Variants in TTLL11 observed in about 807,000 individuals in gnomAD.
The protein encoded by TTLL11 is tubulin polyglutamylase TTLL11.
A neutral mutation model predicts 51.7 loss-of-function variants in TTLL11; 42 were observed. That is an observed-to-expected ratio of 0.81 (90% CI 0.64 to 1.05). The LOEUF (loss-of-function observed/expected upper bound fraction) is 1.05, where lower values mean the gene tolerates loss of function less well. TTLL11 is among the 50% of genes least tolerant of loss of function. The pLI is 0.00. For missense variants in TTLL11, 799 were observed against 940.4 expected, an observed-to-expected ratio of 0.85 and a Z score of 1.97; for synonymous variants, 381 against 383.5, an observed-to-expected ratio of 0.99 and a Z score of 0.08.
intron 6 of TTLL11, among the ~76,000 whole-genome samples, chr9:121,871,207 A>G (rs1225110103): frequency 6.6e-6 from 1 of 152,058 alleles, no homozygotes; most frequent in Admixed American, 6.5e-5. Context: ...AGAAACAATT[A>G]TATTTCTGGC....
At chr9:121,940,482 C>T (rs1409148404) in intron 6 of TTLL11, among the ~76,000 whole-genome samples, 1 of 152,090 alleles carries the variant, frequency 6.6e-6, no homozygotes, top group Non-Finnish European at 1.5e-5. Flanking sequence ...GAACTATAGG[C>T]ACACGCTACC....
At chr9:122,024,803 G>T (rs560057152) in intron 3 of TTLL11, among the ~76,000 whole-genome samples, 2 of 152,020 alleles carry the variant, frequency 1.3e-5, no homozygotes, top group Non-Finnish European at 2.9e-5. Context: ...ACCTAAATTC[G>T]AAAGCTAAAA....
intron 6 of TTLL11, among the ~76,000 whole-genome samples, chr9:121,899,431 T>G (rs562718067): frequency 7.0e-6 from 1 of 142,840 alleles, no homozygotes; most frequent in Non-Finnish European, 1.5e-5. Flanking sequence ...AGAGACAGAG[T>G]CTCAGTCTTT....
chr9:122,012,533 T>C (rs907589447), intron 3 of TTLL11, among the ~76,000 whole-genome samples: 1 of 152,156 alleles, frequency 6.6e-6, no homozygotes, highest in African/African-American at 2.4e-5. Context: ...GTAGCAAGAT[T>C]GTAATACTTG....
intron 6 of TTLL11, among the ~76,000 whole-genome samples, chr9:121,922,347 GTCA>G (rs1373597729): frequency 1.3e-5 from 2 of 152,154 alleles, no homozygotes; most frequent in Non-Finnish European, 2.9e-5. Context: ...CTGGTGCCAA[GTCA>G]TCACCTCAGG....
In TTLL11 at chr9:121,989,854, G is replaced by A. The variant is rs1843061368; in HGVS notation, c.694-84C>T. ...CAGAGCAAGGCCTTAGCAAATGTGT[G>A]GTGAATGAGTGACAAGATGATCCCT... On this transcript the variant is annotated intron_variant, in intron 3 of 8. Coordinates refer to ENST00000321582, the MANE Select transcript of TTLL11 (RefSeq NM_001139442.2). This position sits in a 1 kb window ranked among gnomAD's most constrained non-coding sequence, Gnocchi z 4.2. 6.6e-7 allele frequency: 1 copy of A among 1,513,180 alleles called. No individual in the cohort carries two copies. The highest frequency in any genetic ancestry group is 1.3e-5 in the South Asian group (1 of 74,816). The allele number at this position is 1,513,180 out of a possible 1,614,324, so 93.7% of individuals were successfully genotyped here.
At chr9:121,908,123 C>T (rs1840004042) in intron 6 of TTLL11, among the ~76,000 whole-genome samples, 1 of 152,096 alleles carries the variant, frequency 6.6e-6, no homozygotes, top group Non-Finnish European at 1.5e-5. Flanking sequence ...ATGTGGAATG[C>T]ATAAGAAAAA....
chr9:122,059,194 T>C (rs959667375), intron 1 of TTLL11, among the ~76,000 whole-genome samples: 11 of 152,194 alleles, frequency 7.2e-5, no homozygotes, highest in African/African-American at 2.4e-4. Context: ...GAGATTCTAG[T>C]CCTAATTAAT....
At position 121,822,994 on chromosome 9, in the gene TTLL11, G is replaced by A. The variant is rs745837264; in HGVS notation, c.1841-115C>T. On this transcript the variant is annotated intron_variant, in intron 8 of 8. Transcript: ENST00000321582. This position sits in a 1 kb window ranked among gnomAD's most constrained non-coding sequence, Gnocchi z 5.8. ...AGAGCTAGCCCCGCTCCCCACCACC[G>A]TCTCCATTCCAGAAACTCCTAACAG... 12 of 1,223,900 alleles carry A rather than the reference G, an allele frequency of 9.8e-6. No homozygotes were observed. The highest frequency in any genetic ancestry group is 2.6e-5 in the East Asian group (1 of 38,084). The allele number at this position is 1,223,900 out of a possible 1,614,324, so 75.8% of individuals were successfully genotyped here. A position where few individuals can be genotyped will look rare whatever the true frequency, so the allele number is the denominator to read the frequency against.
chr9:122,036,157 G>A (rs1000855260), intron 2 of TTLL11, among the ~76,000 whole-genome samples: 1 of 151,962 alleles, frequency 6.6e-6, no homozygotes, highest in Non-Finnish European at 1.5e-5. Context: ...AAAGCCCCTA[G>A]GCTGTATTTT....
At chr9:121,850,357 G>C (rs770346773) in intron 8 of TTLL11, among the ~76,000 whole-genome samples, 2 of 151,866 alleles carry the variant, frequency 1.3e-5, no homozygotes, top group African/African-American at 4.8e-5. Context: ...GATGGCCCAC[G>C]AACAAGAGAT....
intron 1 of TTLL11, among the ~76,000 whole-genome samples, chr9:122,042,956 T>G (rs762690526): frequency 1.2e-4 from 19 of 152,032 alleles, no homozygotes; most frequent in Admixed American, 3.3e-4. Flanking sequence ...GATGAATAGG[T>G]GAAGTACAGA....
Position 121,819,769 on chromosome 9 carries a change from G to T in TTLL11, c.*2818C>A, listed in dbSNP as rs571646949. Among the ~76,000 whole-genome samples, 22 of 152,218 alleles carry T rather than the reference G, an allele frequency of 1.4e-4. No individual in the cohort carries two copies. The highest frequency in any genetic ancestry group is 2.9e-4 in the Non-Finnish European group (20 of 68,032). On this transcript the variant is annotated 3_prime_UTR_variant, in exon 9 of 9. Transcript: ENST00000321582. ...CGGCTCTACTTCCTATCTTCTCGGA[G>T]GAAGGAACCATCTGCTTTTGCTATC...
In TTLL11 at chr9:122,093,199, C is replaced by A. The variant is rs1846319144; in HGVS notation, c.-51G>T. 6.7e-7 allele frequency: 1 copy of A among 1,489,990 alleles called. No homozygotes were observed. The highest frequency in any genetic ancestry group is 8.9e-7 in the Non-Finnish European group (1 of 1,129,284). The allele number at this position is 1,489,990 out of a possible 1,614,324, so 92.3% of individuals were successfully genotyped here. A position where few individuals can be genotyped will look rare whatever the true frequency, so the allele number is the denominator to read the frequency against. The stretch of plus-strand genomic sequence containing the variant: ...AGTGCCACCGCCGCCGCCGCCGCCG[C>A]TCCGCCGCCCCAGTCCGCCACCAAA... On this transcript the variant is annotated 5_prime_UTR_variant, in exon 1 of 9. Transcript: ENST00000321582.
At position 122,050,909 on chromosome 9, in the gene TTLL11, A is replaced by G. The variant is rs1845139943; in HGVS notation, c.463-11541T>C. Among the ~76,000 whole-genome samples the G allele has an allele frequency of 1.3e-5, 2 of 152,124 alleles. 1 individual carries two copies. Among genetic ancestry groups the G allele is most frequent in the African/African-American group, 4.8e-5 (2 of 41,420 alleles). Reference sequence around the variant, plus strand: ...CAACAGCTTGATTGTAGCCTCATGAAAAAGCCTAAGCCAGAACCACCCAGC... The same window carrying G: ...CAACAGCTTGATTGTAGCCTCATGAGAAAGCCTAAGCCAGAACCACCCAGC... On this transcript the variant is annotated intron_variant, in intron 1 of 8. Coordinates refer to ENST00000321582, the MANE Select transcript of TTLL11 (RefSeq NM_001139442.2).
intron 8 of TTLL11, among the ~76,000 whole-genome samples, chr9:121,845,261 T>TA (rs936218563): frequency 1.3e-5 from 2 of 152,146 alleles, no homozygotes; most frequent in Non-Finnish European, 2.9e-5. Flanking sequence ...GTGAAATACT[T>TA]AAAGTATTAG....
chr9:121,824,491 A>AG (rs1471803544), intron 8 of TTLL11, among the ~76,000 whole-genome samples: 3 of 151,244 alleles, frequency 2.0e-5, no homozygotes, highest in East Asian at 3.9e-4. Context: ...AAAAAAAAAA[A>AG]AAAGAAAAGA....
intron 6 of TTLL11, among the ~76,000 whole-genome samples, chr9:121,970,738 T>C (rs1842523865): frequency 6.6e-6 from 1 of 152,240 alleles, no homozygotes; most frequent in Non-Finnish European, 1.5e-5. Context: ...GGAACACTTT[T>C]ACACTGTTGG....
intron 6 of TTLL11, among the ~76,000 whole-genome samples, chr9:121,903,061 C>T (rs931046877): frequency 6.6e-6 from 1 of 152,170 alleles, no homozygotes; most frequent in Non-Finnish European, 1.5e-5. Flanking sequence ...CAGACACATT[C>T]TCTGATGGCC....
Sources: gnomAD v4.1 joint callset for allele counts (sites outside exome capture counted in the v4.1 genomes callset) on GRCh38, gnomAD v4.1.1 for gene constraint, Gnocchi (gnomAD v3.1) non-coding constraint, MANE v1.5 for transcripts, NCBI Gene and HGNC (gene_info 2026-07-23, HGNC 2026-07-21) for gene names.